The following COL11A1 variants were observed in gnomAD, a reference collection of about 807,000 sequenced individuals.
The protein encoded by COL11A1 is collagen alpha-1(XI) chain.
In COL11A1, 74 loss-of-function variants were observed where a neutral mutation model predicts 265.2. That is an observed-to-expected ratio of 0.28 (90% confidence interval 0.23 to 0.34). COL11A1 has a LOEUF of 0.34. Among genes scored for constraint, COL11A1 ranks in the 10% least tolerant of loss-of-function variants. The pLI is 1.00. For synonymous variants in COL11A1, 816 were observed against 727.6 expected (o/e 1.12, Z -1.96); for missense variants, 2,165 against 2,263.6 (o/e 0.96, Z 0.88).
intron 5 of COL11A1, among the ~76,000 whole-genome samples, chr1:103,028,460 C>T (rs1667730889): frequency 1.3e-5 from 2 of 151,920 alleles, no homozygotes; most frequent in African/African-American, 4.8e-5. Context: ...TACATTGCTA[C>T]GTAAAGCCTC....
chr1:103,065,573 C>A (rs115047557), intron 4 of COL11A1, among the ~76,000 whole-genome samples: 24,191 of 130,196 alleles, frequency 0.19, 2,749 homozygotes, highest in Non-Finnish European at 0.24. Flanking sequence ...AACAAACAAA[C>A]AAAAAAAATA....
intron 28 of COL11A1, 44 bp downstream of exon 28, chr1:102,995,820 C>T (rs1664566395): frequency 6.8e-7 from 1 of 1,469,230 alleles, no homozygotes; most frequent in African/African-American, 1.4e-5. Flanking sequence ...TAAATGTTAA[C>T]ATAATACACA....
chr1:102,880,249 A>C (rs1178844323), intron 65 of COL11A1, among the ~76,000 whole-genome samples: 1 of 152,200 alleles, frequency 6.6e-6, no homozygotes, highest in East Asian at 1.9e-4. Flanking sequence ...TCTTTTTGAA[A>C]AAAAAATTGG....
chr1:103,011,415 C>T (rs1666118823), intron 14 of COL11A1, among the ~76,000 whole-genome samples: 1 of 151,714 alleles, frequency 6.6e-6, no homozygotes, highest in Admixed American at 6.6e-5. Flanking sequence ...AATATGTGTT[C>T]CCCGTGAGCT....
chr1:103,021,588 C>T, intron 9 of COL11A1, 119 bp downstream of exon 9: 1 of 728,954 alleles, frequency 1.4e-6, no homozygotes, highest in East Asian at 2.6e-5. Flanking sequence ...TGGTGAATTG[C>T]AAACATCTGG....
At chr1:102,979,191 T>G in intron 32 of COL11A1, 87 bp from the exon 33 acceptor site, 1 of 1,222,010 alleles carries the variant, frequency 8.2e-7, no homozygotes, top group Non-Finnish European at 1.2e-6. Context: ...TGCAAGAACA[T>G]CATTCATTCA....
At chr1:102,892,200 T>G (rs547608521) in intron 57 of COL11A1, among the ~76,000 whole-genome samples, 1 of 152,302 alleles carries the variant, frequency 6.6e-6, no homozygotes, top group African/African-American at 2.4e-5. Context: ...TAGAATTCAA[T>G]TAGCTCAATT....
chr1:102,912,073 G>T, intron 54 of COL11A1, 86 bp downstream of exon 54: 1 of 1,084,040 alleles, frequency 9.2e-7, no homozygotes. Flanking sequence ...CTTATAACAT[G>T]CTGCCTGCAG....
chr1:102,915,697 G>T lies in COL11A1; in HGVS notation c.3763-13C>A, dbSNP rs1655257099. On this transcript the variant is annotated splice_polypyrimidine_tract_variant and intron_variant, in intron 49 of 66. Transcript: ENST00000370096. ...CTCCAGGTTCACCCTATATAGAGAAGATCAAATTAGTATTAGAATACAGAG... is the reference window on the plus strand; with the variant it reads ...CTCCAGGTTCACCCTATATAGAGAATATCAAATTAGTATTAGAATACAGAG... 1.3e-6 allele frequency: 2 copies of T among 1,593,508 alleles called. No individual in the cohort carries two copies. Among genetic ancestry groups the T allele is most frequent in the Non-Finnish European group, 1.7e-6 (2 of 1,162,066 alleles).
intron 4 of COL11A1, among the ~76,000 whole-genome samples, chr1:103,045,611 CT>C (rs901569458): frequency 1.3e-5 from 2 of 151,824 alleles, no homozygotes; most frequent in African/African-American, 2.4e-5. Context: ...TATCAATATT[CT>C]TTTTTTAATT....
intron 7 of COL11A1, among the ~76,000 whole-genome samples, chr1:103,023,668 A>C (rs76644997): frequency 0.042 from 6,450 of 152,242 alleles, 241 homozygotes; most frequent in African/African-American, 0.097. Context: ...GCTTTGCCTA[A>C]TTTTTAAATC....
chr1:103,038,869 A>T (rs1228083616), intron 4 of COL11A1, among the ~76,000 whole-genome samples: 1 of 152,292 alleles, frequency 6.6e-6, no homozygotes, highest in African/African-American at 2.4e-5. Context: ...AGTAAAAAAT[A>T]TATCTGTGAG....
chr1:102,999,088 A>T (rs1664886246), intron 24 of COL11A1, among the ~76,000 whole-genome samples: 1 of 151,878 alleles, frequency 6.6e-6, no homozygotes, highest in Admixed American at 6.6e-5. Flanking sequence ...AAGTTCCCAG[A>T]GCCCAGGTCA....
chr1:103,044,223 C>A lies in COL11A1; in HGVS notation c.652-12979G>T, dbSNP rs1333123323. Among the ~76,000 whole-genome samples, 4 of 141,584 alleles carry A rather than the reference C, an allele frequency of 2.8e-5. No homozygotes were observed. In the East Asian group the frequency reaches 8.2e-4, roughly 29 times the overall value. The allele number at this position is 141,584 out of a possible 152,430, so 92.9% of individuals were successfully genotyped here. A position where few individuals can be genotyped will look rare whatever the true frequency, so the allele number is the denominator to read the frequency against. ...ATGATTTTTTTTTCTCAACTGTTTT[C>A]TGTGGTAAAGGAAAGTTGCCAAAAT... On this transcript the variant is annotated intron_variant, in intron 4 of 66. Transcript: ENST00000370096.
chr1:102,893,627 A>C (rs144944641), intron 57 of COL11A1, among the ~76,000 whole-genome samples: 2 of 152,168 alleles, frequency 1.3e-5, no homozygotes, highest in African/African-American at 4.8e-5. Flanking sequence ...GGGATGATAC[A>C]TTCTTAAGTG....
chr1:102,982,188 G>T (rs1663103543), intron 31 of COL11A1, among the ~76,000 whole-genome samples: 1 of 151,832 alleles, frequency 6.6e-6, no homozygotes, highest in Non-Finnish European at 1.5e-5. Context: ...TCAGTAAAAG[G>T]ATTAAAAAAT....
intron 54 of COL11A1, among the ~76,000 whole-genome samples, chr1:102,911,003 A>G (rs1370049533): frequency 1.3e-5 from 2 of 152,178 alleles, no homozygotes; most frequent in Admixed American, 1.3e-4. Context: ...TCACAGTTTT[A>G]TGAGCAGCTG....
chr1:103,006,039 G>A, intron 17 of COL11A1, 29 bp downstream of exon 17: 1 of 1,612,954 alleles, frequency 6.2e-7, no homozygotes, highest in South Asian at 1.1e-5. Flanking sequence ...GACACAGGAT[G>A]TGAATATAAA....
At chr1:102,959,804 C>A (rs1424669891) in intron 41 of COL11A1, among the ~76,000 whole-genome samples, 1 of 152,134 alleles carries the variant, frequency 6.6e-6, no homozygotes, top group Non-Finnish European at 1.5e-5. Context: ...TACAAATACA[C>A]TGGTTTCAAC....
Sources: allele counts gnomAD v4.1 joint callset (sites outside exome capture counted in the v4.1 genomes callset), GRCh38; gene constraint gnomAD v4.1.1; transcripts MANE v1.5; gene names NCBI Gene and HGNC (gene_info 2026-07-23, HGNC 2026-07-21).